The following USO1 variants were observed in gnomAD, a reference collection of about 807,000 sequenced individuals.
USO1 encodes general vesicular transport factor p115.
Under a neutral mutation model 124.5 loss-of-function variants are expected in USO1, and 57 were observed. The observed-to-expected ratio is 0.46, with a 90% CI of 0.37 to 0.57. The LOEUF (loss-of-function observed/expected upper bound fraction) is 0.57. USO1 is among the 20% of genes least tolerant of loss of function. The pLI is 0.00. For missense variants in USO1, 900 were observed against 1,040.6 expected, an observed-to-expected ratio of 0.86 and a Z score of 1.86; for synonymous variants, 369 against 362.8, an observed-to-expected ratio of 1.02 and a Z score of -0.19.
chr4:75,760,535 A>C, intron 4 of USO1: 1 of 395,896 alleles, frequency 2.5e-6, no homozygotes, highest in Non-Finnish European at 4.5e-6. Context: ...CTACTACATT[A>C]AAAAACTATT....
intron 12 of USO1, among the ~76,000 whole-genome samples, chr4:75,792,842 C>T (rs1194810400): frequency 6.6e-6 from 1 of 152,090 alleles, no homozygotes; most frequent in Non-Finnish European, 1.5e-5. Context: ...ACTACCCTGC[C>T]CTGCCTCTGA....
intron 9 of USO1, among the ~76,000 whole-genome samples, 163 bp from the exon 10 acceptor site, chr4:75,786,892 TTACTATC>T (rs1722376780): frequency 1.3e-5 from 2 of 152,180 alleles, no homozygotes; most frequent in African/African-American, 4.8e-5. Context: ...TAATGTAATA[TTACTATC>T]ACAGAACTTA....
chr4:75,796,944 T>C (rs1419486850), intron 13 of USO1, among the ~76,000 whole-genome samples: 7 of 152,054 alleles, frequency 4.6e-5, no homozygotes, highest in African/African-American at 1.7e-4. Flanking sequence ...TTTTTTTTTT[T>C]CTCAGACTTA....
intron 22 of USO1, among the ~76,000 whole-genome samples, chr4:75,811,281 G>T (rs1723141054): frequency 6.6e-6 from 1 of 151,922 alleles, no homozygotes; most frequent in Non-Finnish European, 1.5e-5. Flanking sequence ...TCAGCCTCCT[G>T]AGTAGCTGGG....
chr4:75,744,494 A>G (rs1721064771), intron 1 of USO1, among the ~76,000 whole-genome samples: 2 of 152,172 alleles, frequency 1.3e-5, no homozygotes, highest in African/African-American at 4.8e-5. Context: ...ATCTTGGCTC[A>G]CTGCAACCTC....
At chr4:75,784,054 C>T (rs1045293434) in intron 9 of USO1, among the ~76,000 whole-genome samples, 3 of 152,200 alleles carry the variant, frequency 2.0e-5, no homozygotes, top group Non-Finnish European at 4.4e-5. Context: ...CAGGTTCTTA[C>T]TTAGTTGCCT....
chr4:75,753,262 G>GGT (rs1346082687), intron 3 of USO1, among the ~76,000 whole-genome samples: 3 of 151,590 alleles, frequency 2.0e-5, no homozygotes, highest in Admixed American at 2.0e-4. Flanking sequence ...GGCCAGGCAT[G>GGT]GTGTCTCATG....
chr4:75,807,866 T>C (rs1281129181), intron 20 of USO1, among the ~76,000 whole-genome samples: 2 of 152,112 alleles, frequency 1.3e-5, no homozygotes, highest in East Asian at 3.8e-4. Context: ...GTTTATTTAC[T>C]TTTATAAACT....
intron 16 of USO1, 101 bp downstream of exon 16, chr4:75,800,900 G>C: frequency 2.0e-6 from 3 of 1,468,790 alleles, no homozygotes; most frequent in Non-Finnish European, 9.0e-7. Context: ...AACTCTAAAG[G>C]TATATTTTCT....
chr4:75,724,893 G>A lies in USO1; in HGVS notation c.66+8G>A, dbSNP rs368690638. 2.3e-5 allele frequency: 37 copies of A among 1,612,888 alleles called. No individual in the cohort carries two copies. The highest frequency in any genetic ancestry group is 3.0e-5 in the Non-Finnish European group (35 of 1,179,392). ...CACACAGAAGCCGAGACGGTGAGAG[G>A]AGCAGCGGGTCTGGGACTTGGGAAG... On this transcript the variant is annotated splice_region_variant and intron_variant, in intron 1 of 23. Transcript: ENST00000514213.
intron 1 of USO1, chr4:75,744,887 G>C (rs766591601): frequency 2.0e-6 from 1 of 505,996 alleles, no homozygotes; most frequent in Non-Finnish European, 3.9e-6. Flanking sequence ...TACTGTACTT[G>C]TGATGGTACA....
At chr4:75,779,393 G>A (rs1722158480) in intron 8 of USO1, among the ~76,000 whole-genome samples, 1 of 152,224 alleles carries the variant, frequency 6.6e-6, no homozygotes, top group Non-Finnish European at 1.5e-5. Context: ...CATGTTAAAA[G>A]CTGAGGCCAA....
intron 8 of USO1, among the ~76,000 whole-genome samples, chr4:75,780,833 G>C (rs769210357): frequency 6.6e-6 from 1 of 150,854 alleles, no homozygotes; most frequent in Non-Finnish European, 1.5e-5. Context: ...ATTTATTAGA[G>C]ACAGGGTTTC....
intron 1 of USO1, among the ~76,000 whole-genome samples, chr4:75,744,446 G>T (rs1490252097): frequency 6.6e-6 from 1 of 152,144 alleles, no homozygotes; most frequent in Non-Finnish European, 1.5e-5. Flanking sequence ...TTGAGACGGA[G>T]TCTCACTCTG....
At chr4:75,788,475 C>T (rs1400549907) in intron 10 of USO1, among the ~76,000 whole-genome samples, 1 of 151,718 alleles carries the variant, frequency 6.6e-6, no homozygotes, top group East Asian at 1.9e-4. Flanking sequence ...GCCTGGATCA[C>T]ATATCTTTTT....
intron 12 of USO1, among the ~76,000 whole-genome samples, chr4:75,793,038 A>G (rs189420305): frequency 1.6e-4 from 25 of 152,184 alleles, no homozygotes; most frequent in Non-Finnish European, 2.6e-4. Context: ...ACTTAATATA[A>G]TGATCTCCAG....
intron 8 of USO1, among the ~76,000 whole-genome samples, chr4:75,781,673 C>A (rs1437689774): frequency 6.6e-6 from 1 of 151,932 alleles, no homozygotes; most frequent in South Asian, 2.1e-4. Context: ...AAGTCTAGAA[C>A]CAATAAGTAG....
At chr4:75,767,111 G>A (rs766501277) in intron 4 of USO1, among the ~76,000 whole-genome samples, 7 of 151,942 alleles carry the variant, frequency 4.6e-5, no homozygotes, top group South Asian at 4.2e-4. Flanking sequence ...TGTCTCCTTC[G>A]CAGTTTTCCT....
chr4:75,795,286 T>C, intron 13 of USO1: 1 of 698,564 alleles, frequency 1.4e-6, no homozygotes, highest in Non-Finnish European at 2.6e-6. Context: ...AGATTTAGAC[T>C]TTTCTAAAGT....
Sources: allele counts gnomAD v4.1 joint callset (sites outside exome capture counted in the v4.1 genomes callset), GRCh38; gene constraint gnomAD v4.1.1; transcripts MANE v1.5; gene names NCBI Gene and HGNC (gene_info 2026-07-23, HGNC 2026-07-21).